STXBP5L: variants seen among roughly 807,000 people sequenced by gnomAD.
STXBP5L encodes the protein syntaxin binding protein 5L.
A neutral mutation model predicts 144.5 loss-of-function variants in STXBP5L; 65 were observed. The ratio of observed to expected loss-of-function variants is 0.45; its 90% CI spans 0.37 to 0.55. The LOEUF (loss-of-function observed/expected upper bound fraction) is 0.55, where lower values mean the gene tolerates loss of function less well. STXBP5L is among the 20% of genes least tolerant of loss of function. The probability of loss-of-function intolerance (pLI) is 0.00; values close to 1 mark genes in which losing one functional copy is unlikely to be tolerated. For missense variants in STXBP5L, 1,298 were observed against 1,405.5 expected (o/e 0.92, Z 1.22); for synonymous variants, 505 against 469.6 (o/e 1.08, Z -0.97).
chr3:121,327,041 C>G (rs562080827), intron 20 of STXBP5L, among the ~76,000 whole-genome samples: 43 of 152,164 alleles, frequency 2.8e-4, no homozygotes, highest in African/African-American at 9.9e-4. Flanking sequence ...TAACCTGTTC[C>G]TAAAATTTTA....
In STXBP5L at chr3:120,990,816, T is replaced by A. The variant is rs566489387; in HGVS notation, c.287+35779T>A. The stretch of plus-strand genomic sequence containing the variant: ...AACTGGATCCCTTCCTTACACGTTA[T>A]ACAAAAATTAATTCAAGATGGATTA... On this transcript the variant is annotated intron_variant, in intron 3 of 26. Transcript: ENST00000471454. Among the ~76,000 whole-genome samples the A allele has an allele frequency of 2.0e-5, 3 of 152,312 alleles. No individual in the cohort carries two copies. The East Asian group carries it at 5.8e-4, about 29-fold the overall frequency.
chr3:121,197,794 C>A (rs1055462193), intron 9 of STXBP5L, among the ~76,000 whole-genome samples: 2 of 152,136 alleles, frequency 1.3e-5, no homozygotes, highest in African/African-American at 4.8e-5. Context: ...TGGCTTCCAG[C>A]TTCATCTATG....
At chr3:121,327,017 T>C (rs912831273) in intron 20 of STXBP5L, among the ~76,000 whole-genome samples, 26 of 152,262 alleles carry the variant, frequency 1.7e-4, no homozygotes, top group African/African-American at 6.3e-4. Context: ...ATATGCAGAC[T>C]TTGATTCAGG....
rs139009017 is a variant in STXBP5L at position 120,940,189 on chromosome 3, A to G, written c.190-14751A>G. On this transcript the variant is annotated intron_variant, in intron 2 of 26. Coordinates refer to ENST00000471454, the MANE Select transcript of STXBP5L (RefSeq NM_001308330.2). ...TAGACACATAAAATAGATTCAACAAAAGATGTATTTATGTTTTTCAAATGT... is the reference window on the plus strand; with the variant it reads ...TAGACACATAAAATAGATTCAACAAGAGATGTATTTATGTTTTTCAAATGT... Among the ~76,000 whole-genome samples the G allele has an allele frequency of 1.8e-4, 28 of 152,226 alleles. No individual in the cohort carries two copies. The East Asian group carries it at 5.4e-3, about 29-fold the overall frequency.
At chr3:121,235,844 C>CACACACACAT (rs1553746112) in intron 12 of STXBP5L, among the ~76,000 whole-genome samples, 19 of 139,762 alleles carry the variant, frequency 1.4e-4, no homozygotes, top group Non-Finnish European at 2.3e-4. Flanking sequence ...CACACACATA[C>CACACACACAT]ACACACACAC....
chr3:121,238,171 G>A (rs925042638), intron 12 of STXBP5L, among the ~76,000 whole-genome samples: 8 of 152,104 alleles, frequency 5.3e-5, no homozygotes, highest in African/African-American at 1.9e-4. Flanking sequence ...AATACCTGAA[G>A]CTAGTAATTT....
chr3:121,045,467 A>C lies in STXBP5L; in HGVS notation c.402A>C (p.Thr134=), dbSNP rs774601313. The C allele has an allele frequency of 1.2e-6, 2 of 1,613,258 alleles. No individual in the cohort carries two copies. The highest frequency in any genetic ancestry group is 8.5e-7 in the Non-Finnish European group (1 of 1,179,494). Residue 134 remains threonine, a synonymous_variant, in exon 5 of 27, where the codon ACA becomes ACC. Coordinates refer to ENST00000471454, the MANE Select transcript of STXBP5L (RefSeq NM_001308330.2). ...TGGTCAGTGCAAGTTCAGATGATAC[A>C]CTTCATTTGTGGAACCTTAGACAAA... is the stretch of plus-strand genomic sequence containing the variant. ...GALVSASSDD[T]LHLWNLRQKR...
intron 3 of STXBP5L, among the ~76,000 whole-genome samples, chr3:120,961,187 A>G (rs114503917): frequency 0.12 from 14,643 of 125,896 alleles, 1,154 homozygotes; most frequent in Admixed American, 0.24. Context: ...TTAGTTTTTG[A>G]TTTTATTTAG....
At chr3:121,352,774 A>G (rs547178042) in intron 20 of STXBP5L, among the ~76,000 whole-genome samples, 2 of 152,148 alleles carry the variant, frequency 1.3e-5, no homozygotes, top group South Asian at 4.1e-4. Context: ...TTCAAAGGGA[A>G]TGCTTCCAAT....
chr3:121,417,447 C>CT (rs2047264251), intron 25 of STXBP5L, among the ~76,000 whole-genome samples: 1 of 152,134 alleles, frequency 6.6e-6, no homozygotes, highest in South Asian at 2.1e-4. Context: ...GCCAAAATAG[C>CT]TGTTTTTTTT....
At chr3:121,238,219 A>T (rs1359999819) in intron 12 of STXBP5L, among the ~76,000 whole-genome samples, 2 of 152,182 alleles carry the variant, frequency 1.3e-5, no homozygotes, top group Non-Finnish European at 1.5e-5. Context: ...TGTTTACAAG[A>T]TTGGGCATCT....
rs71133531 is a variant in STXBP5L at position 121,392,770 on chromosome 3, C to CATATATATAT, written c.2587+11267_2587+11276dup. Among the ~76,000 whole-genome samples, 87 of 112,358 alleles carry CATATATATAT rather than the reference C, an allele frequency of 7.7e-4. 1 individual carries two copies. The highest frequency in any genetic ancestry group is 5.0e-3 in the Middle Eastern group (1 of 202). 73.7% of individuals were successfully genotyped at this position (112,358 alleles called of 152,430 possible). On this transcript the variant is annotated intron_variant, in intron 22 of 26. Transcript: ENST00000471454. ...ATTATGACTGAGTAGTATTTCATGG[C>CATATATATAT]ATATATATATATATATATATATATA...
intron 3 of STXBP5L, among the ~76,000 whole-genome samples, chr3:121,035,062 G>T (rs1157063032): frequency 6.6e-6 from 1 of 151,892 alleles, no homozygotes; most frequent in African/African-American, 2.4e-5. Flanking sequence ...TTTTTAATGG[G>T]GTTATTTGTT....
At chr3:120,962,229 C>G (rs947098595) in intron 3 of STXBP5L, among the ~76,000 whole-genome samples, 6 of 152,156 alleles carry the variant, frequency 3.9e-5, no homozygotes, top group African/African-American at 1.4e-4. Flanking sequence ...TATAGGTTGC[C>G]TGTTCATTCT....
chr3:121,329,652 G>A (rs2044259412), intron 20 of STXBP5L, among the ~76,000 whole-genome samples: 1 of 152,150 alleles, frequency 6.6e-6, no homozygotes, highest in African/African-American at 2.4e-5. Flanking sequence ...CTTGAGGTCA[G>A]GAGTTCAAGA....
intron 20 of STXBP5L, among the ~76,000 whole-genome samples, chr3:121,359,983 T>TATATTATATATATTATTACTATATA: frequency 9.0e-6 from 1 of 110,922 alleles, no homozygotes; most frequent in South Asian, 3.0e-4. Context: ...TAATATAATA[T>TATATTATATATATTATTACTATATA]ATATAATATA....
chr3:121,390,071 C>A (rs1051216700), intron 22 of STXBP5L, among the ~76,000 whole-genome samples: 1 of 152,056 alleles, frequency 6.6e-6, no homozygotes, highest in Non-Finnish European at 1.5e-5. Flanking sequence ...TGGGTGCTCC[C>A]ATATTGGGTT....
chr3:121,256,098 A>G (rs1171910400), intron 16 of STXBP5L, among the ~76,000 whole-genome samples: 4 of 152,092 alleles, frequency 2.6e-5, no homozygotes, highest in African/African-American at 9.6e-5. Context: ...CAGTTTCATC[A>G]CATGTACAAT....
intron 3 of STXBP5L, among the ~76,000 whole-genome samples, chr3:120,960,739 A>T (rs1938678540): frequency 6.6e-6 from 1 of 151,506 alleles, no homozygotes; most frequent in African/African-American, 2.4e-5. Flanking sequence ...GAAGGGGAAC[A>T]TCACACCCTG....
Sources: allele counts gnomAD v4.1 joint callset (sites outside exome capture counted in the v4.1 genomes callset), GRCh38; gene constraint gnomAD v4.1.1; transcripts MANE v1.5; gene names NCBI Gene and HGNC (gene_info 2026-07-23, HGNC 2026-07-21).